TIAL1: variants seen among roughly 807,000 people sequenced by gnomAD.
TIAL1 encodes the protein nucleolysin TIAR.
TIAL1 carries 7 observed loss-of-function variants against 59.7 expected under a neutral mutation model. The ratio of observed to expected loss-of-function variants is 0.12; its 90% CI spans 0.07 to 0.22. The LOEUF (loss-of-function observed/expected upper bound fraction) is 0.22, where lower values mean the gene tolerates loss of function less well. Ranked by LOEUF, TIAL1 falls within the 10% of genes least tolerant of loss-of-function variation. The pLI is 1.00. For missense variants in TIAL1, 225 were observed against 462.5 expected (o/e 0.49, Z 4.71); for synonymous variants, 149 against 146.3 (o/e 1.02, Z -0.13).
intron 5 of TIAL1, 121 bp from the exon 6 acceptor site, chr10:119,580,131 T>A: frequency 1.3e-6 from 1 of 747,780 alleles, no homozygotes; most frequent in Non-Finnish European, 2.1e-6. Flanking sequence ...TAGCCCTAAT[T>A]AACTACAACC....
At chr10:119,589,069 T>C (rs542312757) in intron 1 of TIAL1, among the ~76,000 whole-genome samples, 67 of 152,276 alleles carry the variant, frequency 4.4e-4, no homozygotes, top group Middle Eastern at 3.4e-3. Context: ...TAGTAAAACA[T>C]ACAGAGGGTG....
intron 7 of TIAL1, among the ~76,000 whole-genome samples, chr10:119,578,139 C>T (rs554365331): frequency 7.0e-6 from 1 of 143,750 alleles, no homozygotes; most frequent in Non-Finnish European, 1.5e-5. Flanking sequence ...GCAGGAGAAT[C>T]GCTTGAACCT....
At chr10:119,594,770 G>A (rs917650319) in intron 1 of TIAL1, among the ~76,000 whole-genome samples, 3 of 152,182 alleles carry the variant, frequency 2.0e-5, no homozygotes, top group Middle Eastern at 3.4e-3. Flanking sequence ...GACTACAGGC[G>A]CGCGCCACCA....
chr10:119,580,443 G>A (rs771374114), intron 5 of TIAL1: 3 of 953,358 alleles, frequency 3.1e-6, no homozygotes, highest in Non-Finnish European at 3.8e-6. Flanking sequence ...TTGAAAAAGA[G>A]GAAAAAATAG....
At chr10:119,590,526 ATGGTGAAACCCTGTC>A (rs1446703840) in intron 1 of TIAL1, among the ~76,000 whole-genome samples, 1 of 152,042 alleles carries the variant, frequency 6.6e-6, no homozygotes, top group Non-Finnish European at 1.5e-5. Flanking sequence ...CCTGACCAAC[ATGGTGAAACCCTGTC>A]TCCACAAAAA....
chr10:119,584,277 T>A (rs918829028), intron 2 of TIAL1, among the ~76,000 whole-genome samples: 1 of 152,054 alleles, frequency 6.6e-6, no homozygotes, highest in African/African-American at 2.4e-5. Context: ...CTAAGTCACA[T>A]CCCAACTGTC....
intron 1 of TIAL1, among the ~76,000 whole-genome samples, chr10:119,593,739 C>T (rs922500685): frequency 2.0e-5 from 3 of 152,004 alleles, no homozygotes; most frequent in Admixed American, 6.6e-5. Flanking sequence ...TAATAGAACC[C>T]TTTGAGAATA....
chr10:119,578,975 AACT>A (rs1845169940), intron 6 of TIAL1, 141 bp from the exon 7 acceptor site: 1 of 639,074 alleles, frequency 1.6e-6, no homozygotes, highest in Admixed American at 2.8e-5. Context: ...AACGAAACTG[AACT>A]ATTACCAATT....
At chr10:119,583,847 TAAAG>T (rs1845412193) in intron 2 of TIAL1, among the ~76,000 whole-genome samples, 1 of 152,094 alleles carries the variant, frequency 6.6e-6, no homozygotes, top group Non-Finnish European at 1.5e-5. Flanking sequence ...TCTTAAGAGG[TAAAG>T]AAAGGAAATG....
At chr10:119,579,760 C>T (rs540420088) in intron 6 of TIAL1, among the ~76,000 whole-genome samples, 175 bp downstream of exon 6, 3 of 151,814 alleles carry the variant, frequency 2.0e-5, no homozygotes, top group Non-Finnish European at 4.4e-5. Context: ...TATTTATTTT[C>T]GAGTTTATGA....
chr10:119,596,125 CAGG>C lies in TIAL1; in HGVS notation c.32+306_32+308del, dbSNP rs1589892945. On this transcript the variant is annotated intron_variant, in intron 1 of 11. Coordinates refer to ENST00000436547, the MANE Select transcript of TIAL1 (RefSeq NM_003252.4). Reference sequence around the variant, plus strand: ...CAGGGCGTCCAACGCGGAGGGGGTGCAGGAGTTCTCCTGGGCCTGACAGCCTCA... The same window carrying C: ...CAGGGCGTCCAACGCGGAGGGGGTGCAGTTCTCCTGGGCCTGACAGCCTCA... Among the ~76,000 whole-genome samples the C allele has an allele frequency of 8.6e-5, 13 of 150,672 alleles. No homozygotes were observed. The East Asian group carries it at 2.6e-3, about 30-fold the overall frequency.
intron 5 of TIAL1, chr10:119,580,219 C>T (rs887541461): frequency 1.5e-5 from 7 of 474,036 alleles, no homozygotes. Flanking sequence ...AACATGCAAC[C>T]TAATCAAATA....
chr10:119,593,854 G>T (rs946526197), intron 1 of TIAL1, among the ~76,000 whole-genome samples: 1 of 152,146 alleles, frequency 6.6e-6, no homozygotes, highest in East Asian at 1.9e-4. Context: ...ACATTTGAAG[G>T]TTTTAAAAAA....
At position 119,582,799 on chromosome 10, in the gene TIAL1, T is replaced by C. The variant is rs980512430; in HGVS notation, c.130-242A>G. Among the ~76,000 whole-genome samples, 2 of 152,060 alleles carry C rather than the reference T, an allele frequency of 1.3e-5. No homozygotes were observed. The highest frequency in any genetic ancestry group is 4.8e-5 in the African/African-American group (2 of 41,422). ...TAGAATCATGAGCATCAGTATTAAA[T>C]GAAAATAAAGAATTCTGGTGAAGTG... On this transcript the variant is annotated intron_variant, in intron 2 of 11. Coordinates refer to ENST00000436547, the MANE Select transcript of TIAL1 (RefSeq NM_003252.4). The surrounding 1 kb of genome is among the most constrained non-coding windows in gnomAD (Gnocchi z 5.1).
chr10:119,576,778 G>C (rs1025877906), intron 10 of TIAL1, 28 bp from the exon 11 acceptor site: 13 of 1,610,308 alleles, frequency 8.1e-6, no homozygotes, highest in Non-Finnish European at 1.1e-5. Context: ...ATTGTTTTAG[G>C]GAACACATAA....
chr10:119,580,740 TATA>T (rs1171468661), intron 5 of TIAL1: 6 of 1,040,736 alleles, frequency 5.8e-6, no homozygotes, highest in African/African-American at 3.5e-5. Flanking sequence ...ATAAATAATG[TATA>T]ATAAGAATAA....
intron 1 of TIAL1, among the ~76,000 whole-genome samples, chr10:119,590,458 T>A (rs1845792431): frequency 6.6e-6 from 1 of 152,162 alleles, no homozygotes; most frequent in African/African-American, 2.4e-5. Context: ...ACGCCTGTAA[T>A]CCCAGCACTT....
Position 119,577,539 on chromosome 10 carries a change from T to C in TIAL1, c.653-4A>G. On this transcript the variant is annotated splice_region_variant and splice_polypyrimidine_tract_variant and intron_variant, in intron 8 of 11. Coordinates refer to ENST00000436547, the MANE Select transcript of TIAL1 (RefSeq NM_003252.4). Reference sequence around the variant, plus strand: ...AATGTCTGTCTCATAAGCTGATCTATAAAACAAAACATACAAATAAAACAT... The same window carrying C: ...AATGTCTGTCTCATAAGCTGATCTACAAAACAAAACATACAAATAAAACAT... 1.2e-6 allele frequency: 2 copies of C among 1,613,360 alleles called. No homozygotes were observed. Among genetic ancestry groups the C allele is most frequent in the Non-Finnish European group, 1.7e-6 (2 of 1,179,468 alleles).
At chr10:119,580,823 T>G (rs1845267023) in intron 5 of TIAL1, 1 of 1,239,234 alleles carries the variant, frequency 8.1e-7, no homozygotes, top group South Asian at 1.4e-5. Context: ...GCCTTCAAGA[T>G]CCTGTCCATT....
Sources: allele counts gnomAD v4.1 joint callset (sites outside exome capture counted in the v4.1 genomes callset), GRCh38; gene constraint gnomAD v4.1.1; non-coding constraint Gnocchi (gnomAD v3.1); transcripts MANE v1.5; gene names NCBI Gene and HGNC (gene_info 2026-07-23, HGNC 2026-07-21).